Variants in MEAK7 observed in about 807,000 individuals in gnomAD.
MEAK7 encodes MTOR associated protein MEAK7.
Under a neutral mutation model 40.5 loss-of-function variants are expected in MEAK7, and 68 were observed. The ratio of observed to expected loss-of-function variants is 1.68; its 90% CI spans 1.38 to 2.06. The LOEUF is 2.06. MEAK7 is among the 30% of genes most tolerant of loss of function. The probability of loss-of-function intolerance (pLI) is 0.00; values close to 1 mark genes in which losing one functional copy is unlikely to be tolerated. For missense variants in MEAK7, 918 were observed against 580.5 expected, an observed-to-expected ratio of 1.58 and a Z score of -5.98; for synonymous variants, 338 against 231.9, an observed-to-expected ratio of 1.46 and a Z score of -4.16.
intron 4 of MEAK7, chr16:84,487,571 G>A (rs904581381): frequency 1.9e-5 from 3 of 155,500 alleles, no homozygotes; most frequent in Non-Finnish European, 2.9e-5. Flanking sequence ...CAAGGTCACT[G>A]GAAGGGGAAT....
At chr16:84,481,385 G>C (rs373563862) in intron 6 of MEAK7, among the ~76,000 whole-genome samples, 75 of 152,324 alleles carry the variant, frequency 4.9e-4, no homozygotes, top group African/African-American at 1.6e-3. Context: ...TTGACACGCG[G>C]AGCCGCTCTC....
intron 1 of MEAK7, among the ~76,000 whole-genome samples, chr16:84,498,943 A>C (rs1408859393): frequency 6.6e-6 from 1 of 152,188 alleles, no homozygotes; most frequent in Non-Finnish European, 1.5e-5. Flanking sequence ...TCTCTGCCTC[A>C]ATTTCCCCAT....
chr16:84,500,477 A>T (rs1914406222), intron 1 of MEAK7, among the ~76,000 whole-genome samples: 2 of 152,224 alleles, frequency 1.3e-5, no homozygotes, highest in South Asian at 4.1e-4. Flanking sequence ...TATGACACCC[A>T]TCTTCGCAGC....
intron 5 of MEAK7, 124 bp from the exon 6 acceptor site, chr16:84,482,834 G>A: frequency 7.0e-7 from 1 of 1,432,872 alleles, no homozygotes; most frequent in Non-Finnish European, 9.5e-7. Flanking sequence ...CCCATGTCCA[G>A]GTGTCGGCAG....
chr16:84,498,206 G>T, intron 1 of MEAK7, 95 bp from the exon 2 acceptor site: 1 of 1,387,078 alleles, frequency 7.2e-7, no homozygotes, highest in Non-Finnish European at 9.7e-7. Context: ...AATATATACT[G>T]ATATAGCCAC....
At chr16:84,498,778 G>A (rs1480845586) in intron 1 of MEAK7, among the ~76,000 whole-genome samples, 1 of 152,164 alleles carries the variant, frequency 6.6e-6, no homozygotes, top group African/African-American at 2.4e-5. Flanking sequence ...TTTAAAACCA[G>A]AGTTAGAAAA....
intron 3 of MEAK7, chr16:84,494,764 C>A (rs1393956356): frequency 6.6e-6 from 3 of 453,068 alleles, no homozygotes; most frequent in Non-Finnish European, 8.8e-6. Flanking sequence ...CCATTCTGGA[C>A]ATGACAGATC....
chr16:84,501,722 G>C (rs1192399588), intron 1 of MEAK7, among the ~76,000 whole-genome samples: 1 of 152,162 alleles, frequency 6.6e-6, no homozygotes, highest in Non-Finnish European at 1.5e-5. Context: ...GGGAAGGTGG[G>C]CAGCCCCTAA....
At position 84,477,924 on chromosome 16, in the gene MEAK7, T is replaced by C. The variant is rs930782674; in HGVS notation, c.*1989A>G. ...CCTGGAAGCAGGTGCATTCGTGATC[T>C]GCACTCTCCTTAGAACAAGCTCAGG... On this transcript the variant is annotated 3_prime_UTR_variant, in exon 8 of 8. Transcript: ENST00000343629. The C allele has an allele frequency of 2.6e-5, 4 of 152,158 alleles. No individual in the cohort carries two copies. In the East Asian group the frequency reaches 7.7e-4, roughly 29 times the overall value. The allele number at this position is 152,158 out of a possible 1,614,324, so 9.4% of individuals were successfully genotyped here.
intron 7 of MEAK7, among the ~76,000 whole-genome samples, 153 bp downstream of exon 7, chr16:84,480,376 A>G (rs1431349579): frequency 2.0e-5 from 3 of 152,174 alleles, no homozygotes; most frequent in Admixed American, 6.5e-5. Context: ...CCAGCCATGC[A>G]TCTCCTGGCA....
chr16:84,497,264 A>C (rs534804714), intron 2 of MEAK7: 5 of 470,560 alleles, frequency 1.1e-5, no homozygotes, highest in South Asian at 1.0e-4. Flanking sequence ...GTCTTGCCTC[A>C]GTCCGAGCAC....
chr16:84,478,959 T>C lies in MEAK7; in HGVS notation c.*954A>G, dbSNP rs1912266825. On this transcript the variant is annotated 3_prime_UTR_variant, in exon 8 of 8. Transcript: ENST00000343629. ...TATTTATCAACCAAGTTCCCAAACT[T>C]AGGGTGCCCAATGTCCCTCACCTTG... 1 of 152,264 alleles carries C rather than the reference T, an allele frequency of 6.6e-6. No individual in the cohort carries two copies. The highest frequency in any genetic ancestry group is 2.1e-4 in the South Asian group (1 of 4,834). 9.4% of individuals were successfully genotyped at this position (152,264 alleles called of 1,614,324 possible). A position where few individuals can be genotyped will look rare whatever the true frequency, so the allele number is the denominator to read the frequency against.
At position 84,482,679 on chromosome 16, in the gene MEAK7, G is replaced by C. The variant is rs1912677744; in HGVS notation, c.990C>G (p.Cys330Trp). The change falls in exon 6 of 8, where the codon TGC becomes TGG. Residue 330 changes from cysteine (C) to tryptophan (W), a missense_variant. By Grantham distance (215) the Cys-to-Trp change is radical. Coordinates refer to ENST00000343629, the MANE Select transcript of MEAK7 (RefSeq NM_020947.4). The part of the protein sequence containing the change: ...GDNRCFLFSI[C>W]PSMAVYTHTG... ...TGTGTGTGTACACAGCCATGCTGGG[G>C]CAGATGGAGAACAGGAAGCATCTGT... 3 of 1,614,220 alleles carry C rather than the reference G, an allele frequency of 1.9e-6. No homozygotes were observed. The East Asian group carries it at 6.7e-5, about 36-fold the overall frequency.
In MEAK7 at chr16:84,478,164, G is replaced by A. The variant is rs1049498626; in HGVS notation, c.*1749C>T. ...AGGGACCTAAATTCTTTGGACTTACGGTAGAGATGCTTGAGGATCCTAATA... is the reference window on the plus strand; with the variant it reads ...AGGGACCTAAATTCTTTGGACTTACAGTAGAGATGCTTGAGGATCCTAATA... On this transcript the variant is annotated 3_prime_UTR_variant, in exon 8 of 8. Coordinates refer to ENST00000343629, the MANE Select transcript of MEAK7 (RefSeq NM_020947.4). 9 of 151,280 alleles carry A rather than the reference G, an allele frequency of 5.9e-5. No individual in the cohort carries two copies. The highest frequency in any genetic ancestry group is 7.3e-5 in the African/African-American group (3 of 41,192). 9.4% of individuals were successfully genotyped at this position (151,280 alleles called of 1,614,324 possible).
In MEAK7 at chr16:84,479,959, T is replaced by G. The variant is rs1331999055; in HGVS notation, c.1325A>C (p.His442Pro). Residue 442 changes from histidine to proline, a missense_variant, in exon 8 of 8, where the codon CAT becomes CCT. Coordinates refer to ENST00000343629, the MANE Select transcript of MEAK7 (RefSeq NM_020947.4). ...EAQALLEISG[H>P]SRHSEGLREV... Reference sequence around the variant, plus strand: ...CCGGAGCCCTTCGCTGTGGCGCGAATGCCCACTGATCTCCAGCAGGGCCTG... The same window carrying G: ...CCGGAGCCCTTCGCTGTGGCGCGAAGGCCCACTGATCTCCAGCAGGGCCTG... 1 of 1,609,842 alleles carries G rather than the reference T, an allele frequency of 6.2e-7. No homozygotes were observed. The highest frequency in any genetic ancestry group is 1.7e-5 in the Admixed American group (1 of 59,834).
At chr16:84,487,155 C>A in intron 4 of MEAK7, 96 bp from the exon 5 acceptor site, 1 of 1,263,786 alleles carries the variant, frequency 7.9e-7, no homozygotes, top group Non-Finnish European at 1.1e-6. Flanking sequence ...CCACGAGTCA[C>A]ATGCAATTAC....
In MEAK7 at chr16:84,487,074, T is replaced by A. The variant is rs906033620; in HGVS notation, c.530-15A>T. 6 of 1,601,360 alleles carry A rather than the reference T, an allele frequency of 3.7e-6. No homozygotes were observed. The highest frequency in any genetic ancestry group is 5.1e-6 in the Non-Finnish European group (6 of 1,173,988). ...TCTCTTGCCATCTAGGGGAAGGGGA[T>A]GGTCAGCATTAGTGGGGCTGTTATG... On this transcript the variant is annotated splice_polypyrimidine_tract_variant and intron_variant, in intron 4 of 7. Coordinates refer to ENST00000343629, the MANE Select transcript of MEAK7 (RefSeq NM_020947.4).
intron 3 of MEAK7, among the ~76,000 whole-genome samples, chr16:84,492,827 C>T (rs554437089): frequency 6.6e-6 from 1 of 152,256 alleles, no homozygotes; most frequent in South Asian, 2.1e-4. Flanking sequence ...GATAATCCAC[C>T]CACCTTGGCC....
chr16:84,482,106 G>T (rs516963), intron 6 of MEAK7, among the ~76,000 whole-genome samples: 15 of 151,918 alleles, frequency 9.9e-5, no homozygotes, highest in African/African-American at 3.4e-4. Context: ...GGCCTCCCCC[G>T]CTTCCCCCTG....
Sources: gnomAD v4.1 joint callset for allele counts (sites outside exome capture counted in the v4.1 genomes callset) on GRCh38, gnomAD v4.1.1 for gene constraint, MANE v1.5 for transcripts, NCBI Gene and HGNC (gene_info 2026-07-23, HGNC 2026-07-21) for gene names.